HIVEP1: variants seen among roughly 807,000 people sequenced by gnomAD.
The protein encoded by HIVEP1 is zinc finger protein 40.
HIVEP1 carries 36 observed loss-of-function variants against 180.0 expected under a neutral mutation model. The observed-to-expected ratio is 0.20, with a 90% CI of 0.15 to 0.26. The LOEUF (loss-of-function observed/expected upper bound fraction) is 0.26, where lower values mean the gene tolerates loss of function less well. Ranked by LOEUF, HIVEP1 falls within the 10% of genes least tolerant of loss-of-function variation. The pLI is 1.00. For missense variants in HIVEP1, 3,143 were observed against 3,268.7 expected (o/e 0.96, Z 0.94); for synonymous variants, 1,239 against 1,239.0 (o/e 1.00, Z 0.00).
At chr6:12,106,907 C>G (rs1290117704) in intron 3 of HIVEP1, among the ~76,000 whole-genome samples, 1 of 152,116 alleles carries the variant, frequency 6.6e-6, no homozygotes, top group Non-Finnish European at 1.5e-5. Flanking sequence ...TCTAATTTCT[C>G]TTGTGACTTT....
At chr6:12,111,941 T>A (rs1317566393) in intron 3 of HIVEP1, among the ~76,000 whole-genome samples, 2 of 152,240 alleles carry the variant, frequency 1.3e-5, no homozygotes, top group African/African-American at 4.8e-5. Flanking sequence ...ACAGTACAAC[T>A]TTACACTGTA....
intron 2 of HIVEP1, among the ~76,000 whole-genome samples, chr6:12,027,538 C>G (rs1040117314): frequency 3.9e-5 from 6 of 152,236 alleles, no homozygotes; most frequent in African/African-American, 1.4e-4. Context: ...ATTGTACTGT[C>G]TCCATCTAGT....
At chr6:12,167,688 T>TATATACATATATACATATATGTGTGTA (rs1562023810), downstream of HIVEP1, among the ~76,000 whole-genome samples, 6 of 19,756 alleles carry the variant, frequency 3.0e-4, no homozygotes, top group Admixed American at 1.2e-3. Flanking sequence ...ATGTGTATAA[T>TATATACATATATACATATATGTGTGTA]ATATATACAT....
At chr6:12,065,459 A>G (rs1561904776) in intron 2 of HIVEP1, among the ~76,000 whole-genome samples, 2 of 152,212 alleles carry the variant, frequency 1.3e-5, no homozygotes, top group Non-Finnish European at 2.9e-5. Flanking sequence ...AGAAGTTGCC[A>G]GGTCAGGCAG....
chr6:12,094,749 T>G (rs898837228), intron 3 of HIVEP1, among the ~76,000 whole-genome samples: 1 of 152,034 alleles, frequency 6.6e-6, no homozygotes, highest in African/African-American at 2.4e-5. Context: ...TTTTATTATG[T>G]TTTATAATTT....
the HIVEP1 span, among the ~76,000 whole-genome samples, chr6:12,192,282 CTT>C: frequency 4.0e-5 from 6 of 151,014 alleles, no homozygotes; most frequent in South Asian, 4.1e-4. Flanking sequence ...TTTCACCTCT[CTT>C]AAGTACATAT....
intron 7 of HIVEP1, among the ~76,000 whole-genome samples, chr6:12,142,159 A>G (rs1759078214): frequency 6.6e-6 from 1 of 152,230 alleles, no homozygotes; most frequent in Non-Finnish European, 1.5e-5. Flanking sequence ...GCAAATGTAA[A>G]AGAACAGAAA....
chr6:12,117,357 C>T (rs1461867872), intron 3 of HIVEP1, among the ~76,000 whole-genome samples: 1 of 152,174 alleles, frequency 6.6e-6, no homozygotes, highest in African/African-American at 2.4e-5. Flanking sequence ...TATGTAAAAT[C>T]AAAACGTGTA....
chr6:12,106,023 TAC>T lies in HIVEP1; in HGVS notation c.95-13859_95-13858del, dbSNP rs565375053. 6.6e-5 allele frequency among the ~76,000 whole-genome samples: 10 copies of T among 151,478 alleles called. No homozygotes were observed. In the South Asian group the frequency reaches 1.0e-3, roughly 16 times the overall value. On this transcript the variant is annotated intron_variant, in intron 3 of 8. Transcript: ENST00000379388. ...ATATATACACATATATACATATATA[TAC>T]ACACACATATATACATATATATACA...
chr6:12,050,471 A>T (rs1040758829), intron 2 of HIVEP1, among the ~76,000 whole-genome samples: 2 of 151,812 alleles, frequency 1.3e-5, no homozygotes, highest in African/African-American at 4.9e-5. Flanking sequence ...CTGTAGTCCC[A>T]GTTACTCGGG....
chr6:12,186,062 G>A, the HIVEP1 span, among the ~76,000 whole-genome samples: 1 of 151,768 alleles, frequency 6.6e-6, no homozygotes, highest in Admixed American at 6.6e-5. Context: ...CTAGTGATCA[G>A]ATAAACAGAA....
At chr6:12,009,057 G>A (rs1286412282), upstream of HIVEP1, among the ~76,000 whole-genome samples, 1 of 151,120 alleles carries the variant, frequency 6.6e-6, no homozygotes, top group Non-Finnish European at 1.5e-5. Flanking sequence ...GGGCCGAGGG[G>A]AGGGACGAGC....
intron 3 of HIVEP1, among the ~76,000 whole-genome samples, chr6:12,090,775 T>A (rs1180723110): frequency 1.4e-5 from 2 of 146,632 alleles, no homozygotes. Flanking sequence ...TAGTCATGGT[T>A]TAGAGCTGCT....
At position 12,120,350 on chromosome 6, in the gene HIVEP1, C is replaced by G. The variant is rs1489092274; in HGVS notation, c.555C>G (p.Gly185=). The change falls in exon 4 of 9, where the codon GGC becomes GGG. Residue 185 remains glycine (G), a synonymous_variant. Transcript: ENST00000379388. ...DNSECISSHC[G]TTSPSYTNTA... ...GCGAATGCATCTCTTCTCATTGTGG[C>G]ACTACGTCCCCCTCCTATACAAACA... 3.7e-6 allele frequency: 6 copies of G among 1,614,010 alleles called. No homozygotes were observed. The South Asian group carries it at 6.6e-5, about 18-fold the overall frequency.
intron 2 of HIVEP1, among the ~76,000 whole-genome samples, chr6:12,062,811 A>G (rs1001800536): frequency 2.0e-5 from 3 of 152,222 alleles, no homozygotes; most frequent in Admixed American, 6.5e-5. Context: ...TCTAACACCC[A>G]CACGTTACTG....
intron 4 of HIVEP1, among the ~76,000 whole-genome samples, chr6:12,127,155 C>A (rs977658806): frequency 6.6e-6 from 1 of 151,468 alleles, no homozygotes; most frequent in African/African-American, 2.4e-5. Flanking sequence ...GCCACCGCGC[C>A]CAGCAAGAAT....
At position 12,164,903 on chromosome 6, in the gene HIVEP1, A is replaced by G. The variant is rs1760654219; in HGVS notation, c.*442A>G. 8.5e-6 allele frequency: 2 copies of G among 235,566 alleles called. No individual in the cohort carries two copies. Among genetic ancestry groups the G allele is most frequent in the South Asian group, 1.1e-4 (2 of 18,586 alleles). 14.6% of individuals were successfully genotyped at this position (235,566 alleles called of 1,614,324 possible). On this transcript the variant is annotated 3_prime_UTR_variant, in exon 9 of 9. Coordinates refer to ENST00000379388, the MANE Select transcript of HIVEP1 (RefSeq NM_002114.4). ...ATTGTATTCATATTAGTCTTTGAAA[A>G]TGGGTCTGTCCTCCTTGTGTAAGAC... is the stretch of plus-strand genomic sequence containing the variant.
Position 12,122,479 on chromosome 6 carries a change from C to T in HIVEP1, c.2684C>T (p.Thr895Ile), listed in dbSNP as rs376312833. The T allele has an allele frequency of 8.7e-6, 14 of 1,614,206 alleles. No individual in the cohort carries two copies. The highest frequency in any genetic ancestry group is 6.7e-5 in the East Asian group (3 of 44,882). ...GTGCCCCAGAGTGGGCATCCCCGTACACTTGTGAGACAAGCAGCCATAGAA... is the reference window on the plus strand; with the variant it reads ...GTGCCCCAGAGTGGGCATCCCCGTATACTTGTGAGACAAGCAGCCATAGAA... ...APVPQSGHPR[T>I]LVRQAAIEDS... The change falls in exon 4 of 9, where the codon ACA (threonine) becomes ATA (isoleucine). Residue 895 changes from threonine (T) to isoleucine (I), a missense_variant. Physicochemically the swap from Thr to Ile is moderately conservative, Grantham distance 89. Transcript: ENST00000379388.
the HIVEP1 span, among the ~76,000 whole-genome samples, chr6:12,192,477 T>G: frequency 1.3e-5 from 2 of 152,374 alleles, no homozygotes; most frequent in Middle Eastern, 3.4e-3. Flanking sequence ...AAATCTCATG[T>G]TGAATTGTAA....
Sources: allele counts gnomAD v4.1 joint callset (sites outside exome capture counted in the v4.1 genomes callset), GRCh38; gene constraint gnomAD v4.1.1; transcripts MANE v1.5; gene names NCBI Gene and HGNC (gene_info 2026-07-23, HGNC 2026-07-21).